The following TRIM66 variants were observed in gnomAD, a reference collection of about 807,000 sequenced individuals.
TRIM66 encodes the protein tripartite motif-containing protein 66.
In TRIM66, 99 loss-of-function variants were observed where a neutral mutation model predicts 148.2. The observed-to-expected ratio is 0.67, with a 90% CI of 0.57 to 0.79. The LOEUF (loss-of-function observed/expected upper bound fraction) is 0.79. TRIM66 is among the 30% of genes least tolerant of loss of function. The pLI, the probability that TRIM66 is intolerant of heterozygous loss-of-function variation, is 0.00. For missense variants in TRIM66, 1,666 were observed against 1,697.9 expected, an observed-to-expected ratio of 0.98 and a Z score of 0.33; for synonymous variants, 616 against 635.9, an observed-to-expected ratio of 0.97 and a Z score of 0.47.
At chr11:8,644,498 AAACTT>A (rs2036679023) in intron 12 of TRIM66, 1 of 440,480 alleles carries the variant, frequency 2.3e-6, no homozygotes, top group Non-Finnish European at 4.5e-6. Flanking sequence ...TTCTACCCTC[AAACTT>A]AACTACAGCA....
chr11:8,652,976 A>T (rs941376668), intron 6 of TRIM66, among the ~76,000 whole-genome samples: 2 of 152,228 alleles, frequency 1.3e-5, no homozygotes, highest in Non-Finnish European at 2.9e-5. Context: ...TTCATATGTA[A>T]AATAGGGAAA....
intron 15 of TRIM66, among the ~76,000 whole-genome samples, chr11:8,632,310 A>AAAAT (rs1304707289): frequency 1.6e-4 from 25 of 152,260 alleles, no homozygotes; most frequent in Middle Eastern, 3.4e-3. Flanking sequence ...TTCATCTCAA[A>AAAAT]AAATAAATAA....
rs1396939830 is a variant in TRIM66 at position 8,649,848 on chromosome 11, G to T, written c.484C>A (p.Leu162Ile). 3 of 1,551,692 alleles carry T rather than the reference G, an allele frequency of 1.9e-6. No homozygotes were observed. Among genetic ancestry groups the T allele is most frequent in the South Asian group, 2.4e-5 (2 of 84,062 alleles). The change falls in exon 8 of 25, where the codon CTC (leucine) becomes ATC (isoleucine). Residue 162 changes from leucine to isoleucine, a missense_variant. This residue lies in a region of TRIM66 where 1,431 missense variants were observed against 1,412.4 expected (regional missense o/e 1.01). Transcript: ENST00000646038. Reference protein sequence around the residue: ...ECKEKRAAHILCTYCNRWLCS... With the variant: ...ECKEKRAAHIICTYCNRWLCS... ...AGCCAGCGATTGCAGTAGGTGCAGA[G>T]GATATGTGCTGCCCTCTTCTCCTTG...
At chr11:8,621,369 C>T in intron 19 of TRIM66, 48 bp from the exon 20 acceptor site, 1 of 1,515,292 alleles carries the variant, frequency 6.6e-7, no homozygotes, top group South Asian at 1.3e-5. Flanking sequence ...AACCAACAAG[C>T]TCTCGAGGGA....
chr11:8,628,340 T>C (rs1417393560), intron 15 of TRIM66, among the ~76,000 whole-genome samples: 1 of 151,838 alleles, frequency 6.6e-6, no homozygotes, highest in Non-Finnish European at 1.5e-5. Context: ...TGGTTGGGCA[T>C]GGTGGCTCAC....
intron 3 of TRIM66, among the ~76,000 whole-genome samples, chr11:8,675,632 T>C (rs1592216392): frequency 6.6e-6 from 1 of 152,348 alleles, no homozygotes; most frequent in East Asian, 1.9e-4. Context: ...TCCACCTGCC[T>C]TGGCCTCCCA....
Position 8,618,855 on chromosome 11 carries a change from G to C in TRIM66, c.4014C>G (p.Asp1338Glu), listed in dbSNP as rs2033927601. The change falls in exon 24 of 25, where the codon GAC becomes GAG. Residue 1338 changes from aspartate (D) to glutamate (E), a missense_variant. Coordinates refer to ENST00000646038, the MANE Select transcript of TRIM66 (RefSeq NM_001388022.1). Reference sequence around the variant, plus strand: ...CACTCTCACTAGACACCTCCTCGGAGTCTGAGTCCTCCTGCCTTGGCTGGG... The same window carrying C: ...CACTCTCACTAGACACCTCCTCGGACTCTGAGTCCTCCTGCCTTGGCTGGG... ...RFAQPRQEDS[D>E]SEEVSSESGC... The C allele has an allele frequency of 6.4e-7, 1 of 1,551,456 alleles. No individual in the cohort carries two copies. The highest frequency in any genetic ancestry group is 8.7e-7 in the Non-Finnish European group (1 of 1,146,950).
intron 15 of TRIM66, among the ~76,000 whole-genome samples, chr11:8,626,640 T>A (rs529910311): frequency 6.6e-6 from 1 of 152,326 alleles, no homozygotes; most frequent in East Asian, 1.9e-4. Context: ...CACATCTCCC[T>A]AGACAACAGT....
chr11:8,671,316 T>C (rs891702771), intron 6 of TRIM66, among the ~76,000 whole-genome samples: 2 of 152,200 alleles, frequency 1.3e-5, no homozygotes, highest in Non-Finnish European at 2.9e-5. Context: ...AGTGAGACCG[T>C]TTCCTAGGAA....
upstream of TRIM66, chr11:8,682,833 T>G (rs1260727399): frequency 1.9e-6 from 3 of 1,610,672 alleles, no homozygotes; most frequent in African/African-American, 4.0e-5. Flanking sequence ...GTTTCGTTTC[T>G]TGCCTCCTCT....
rs1214517694 is a variant in TRIM66 at position 8,671,797 on chromosome 11, G to C, written c.329C>G (p.Thr110Ser). The change falls in exon 6 of 25, where the codon ACT becomes AGT. Residue 110 changes from threonine to serine, a missense_variant. Around this residue, in one of 3 missense-constraint regions of TRIM66, gnomAD observed 1,431 missense variants for 1,412.4 expected, o/e 1.01. Transcript: ENST00000646038. ...GCCTTTGTACTTACCATCTGCAACAGTCTCATGAGCCTTGGCAATCTGCCC... is the reference window on the plus strand; with the variant it reads ...GCCTTTGTACTTACCATCTGCAACACTCTCATGAGCCTTGGCAATCTGCCC... ...ELGQIAKAHE[T>S]VADELISCPG... The C allele has an allele frequency of 1.4e-6, 2 of 1,388,842 alleles. No homozygotes were observed. The highest frequency in any genetic ancestry group is 2.0e-6 in the Non-Finnish European group (2 of 1,012,344). The allele number at this position is 1,388,842 out of a possible 1,614,324, so 86.0% of individuals were successfully genotyped here.
At chr11:8,636,873 A>G (rs2035925224) in intron 15 of TRIM66, among the ~76,000 whole-genome samples, 1 of 152,174 alleles carries the variant, frequency 6.6e-6, no homozygotes, top group Admixed American at 6.5e-5. Context: ...AAGGCCTTAC[A>G]GCCCCTCTGG....
intron 24 of TRIM66, among the ~76,000 whole-genome samples, chr11:8,618,508 AATGCTGGGTT>A (rs2141790523): frequency 6.6e-6 from 1 of 152,290 alleles, no homozygotes; most frequent in Admixed American, 6.5e-5. Context: ...TCTGCTGCTA[AATGCTGGGTT>A]ACCCTGGGCA....
In TRIM66 at chr11:8,676,709, C is replaced by T. The variant is rs141948195; in HGVS notation, c.-189-1826G>A. On this transcript the variant is annotated intron_variant, in intron 3 of 24. Coordinates refer to ENST00000646038, the MANE Select transcript of TRIM66 (RefSeq NM_001388022.1). ...AAGGGTCAAATGACCCCATTTCTGC[C>T]CCCTTCTTATGGCTGCTTTCATCAT... Among the ~76,000 whole-genome samples, 176 of 152,270 alleles carry T rather than the reference C, an allele frequency of 1.2e-3. 4 individuals carry two copies. In the East Asian group the frequency reaches 0.03, roughly 26 times the overall value.
chr11:8,622,291 G>GTA (rs952477415), intron 18 of TRIM66, among the ~76,000 whole-genome samples: 7 of 130,650 alleles, frequency 5.4e-5, no homozygotes, highest in South Asian at 2.4e-4. Flanking sequence ...ATATATATAT[G>GTA]TATATATATA....
In TRIM66 at chr11:8,631,951, T is replaced by C. The variant is rs181199414; in HGVS notation, c.2310+6703A>G. Among the ~76,000 whole-genome samples the C allele has an allele frequency of 2.8e-3, 425 of 152,164 alleles. 5 individuals carry two copies. The highest frequency in any genetic ancestry group is 7.9e-3 in the African/African-American group (327 of 41,508). ...AACTGACCACTGTGTAAATATGCAA[T>C]AGAAAAAGGGACCACAGATTTGGGA... is the stretch of plus-strand genomic sequence containing the variant. On this transcript the variant is annotated intron_variant, in intron 15 of 24. Coordinates refer to ENST00000646038, the MANE Select transcript of TRIM66 (RefSeq NM_001388022.1).
intron 18 of TRIM66, 113 bp downstream of exon 18, chr11:8,622,703 G>A: frequency 1.0e-6 from 1 of 975,748 alleles, no homozygotes. Context: ...GAAGGCAGTT[G>A]CAGGCAAATT....
chr11:8,617,873 C>A lies in TRIM66; in HGVS notation c.*71G>T. ...CCATCCACACTCTGAAGAGGATAAG[C>A]TGCAAGATGGGGAGGAATGGTCGAC... On this transcript the variant is annotated 3_prime_UTR_variant, in exon 25 of 25. Transcript: ENST00000646038. 7.0e-7 allele frequency: 1 copy of A among 1,429,186 alleles called. No individual in the cohort carries two copies. The highest frequency in any genetic ancestry group is 9.7e-7 in the Non-Finnish European group (1 of 1,035,482). 88.5% of individuals were successfully genotyped at this position (1,429,186 alleles called of 1,614,324 possible). A position where few individuals can be genotyped will look rare whatever the true frequency, so the allele number is the denominator to read the frequency against.
intron 18 of TRIM66, 123 bp from the exon 19 acceptor site, chr11:8,621,942 G>C: frequency 9.9e-7 from 1 of 1,010,376 alleles, no homozygotes; most frequent in Non-Finnish European, 1.4e-6. Context: ...TGGATTGAAG[G>C]ATACAAAGTA....
Sources: allele counts gnomAD v4.1 joint callset (sites outside exome capture counted in the v4.1 genomes callset), GRCh38; gene constraint gnomAD v4.1.1; regional missense constraint gnomAD v4.1.1; transcripts MANE v1.5; gene names NCBI Gene and HGNC (gene_info 2026-07-23, HGNC 2026-07-21).